The following APLF variants were observed in gnomAD, a reference collection of about 807,000 sequenced individuals.
APLF encodes aprataxin and PNK-like factor.
In APLF, 61 loss-of-function variants were observed where a neutral mutation model predicts 55.6. The ratio of observed to expected loss-of-function variants is 1.10; its 90% CI spans 0.89 to 1.36. The LOEUF (loss-of-function observed/expected upper bound fraction) is 1.36, where lower values mean the gene tolerates loss of function less well. Ranked by LOEUF, APLF falls within the 40% of genes most tolerant of loss-of-function variation. The pLI, the probability that APLF is intolerant of heterozygous loss-of-function variation, is 0.00. For synonymous variants in APLF, 207 were observed against 214.8 expected (o/e 0.96, Z 0.32); for missense variants, 611 against 602.5 (o/e 1.01, Z -0.15).
At chr2:68,519,833 A>C (rs913642956) in intron 5 of APLF, among the ~76,000 whole-genome samples, 3 of 151,772 alleles carry the variant, frequency 2.0e-5, no homozygotes, top group African/African-American at 7.3e-5. Context: ...GTAGTCAGCC[A>C]GTAGTGGGTT....
At chr2:68,471,860 G>GC (rs1452356944) in intron 1 of APLF, among the ~76,000 whole-genome samples, 1 of 152,064 alleles carries the variant, frequency 6.6e-6, no homozygotes, top group Non-Finnish European at 1.5e-5. Flanking sequence ...AGTGACCATG[G>GC]CCCGTGACAC....
intron 1 of APLF, among the ~76,000 whole-genome samples, chr2:68,474,365 C>T (rs1405288564): frequency 6.6e-6 from 1 of 152,236 alleles, no homozygotes; most frequent in African/African-American, 2.4e-5. Flanking sequence ...TCCCAATTCT[C>T]TATACCTTGG....
At chr2:68,533,646 A>C (rs375196481) in intron 6 of APLF, among the ~76,000 whole-genome samples, 8 of 152,202 alleles carry the variant, frequency 5.3e-5, no homozygotes, top group African/African-American at 1.9e-4. Flanking sequence ...TACTCGTGTG[A>C]ATGGTGCCTC....
At position 68,513,582 on chromosome 2, in the gene APLF, A is replaced by G. The variant is rs757705042; in HGVS notation, c.524A>G (p.Gln175Arg). The G allele has an allele frequency of 1.9e-6, 3 of 1,611,426 alleles. No individual in the cohort carries two copies. The highest frequency in any genetic ancestry group is 1.7e-5 in the Admixed American group (1 of 59,730). Residue 175 changes from glutamine (Q) to arginine (R), a missense_variant, in exon 5 of 10, where the codon CAG becomes CGG. Coordinates refer to ENST00000303795, the MANE Select transcript of APLF (RefSeq NM_173545.3). ...FLGENRDCNKQQPILAERKRI... is the reference protein window; with the variant it reads ...FLGENRDCNKRQPILAERKRI... ...GGTGAAAATAGAGACTGCAATAAGC[A>G]GCAGCCAATCCTTGCCGAGAGGAAA...
chr2:68,510,767 TAACTC>T (rs1419156467), intron 3 of APLF, among the ~76,000 whole-genome samples: 1 of 151,774 alleles, frequency 6.6e-6, no homozygotes, highest in African/African-American at 2.4e-5. Context: ...AAAGTGGAAA[TAACTC>T]AGCTGTCCAG....
At chr2:68,559,849 ATCT>A (rs1354761404) in intron 8 of APLF, among the ~76,000 whole-genome samples, 2 of 152,082 alleles carry the variant, frequency 1.3e-5, no homozygotes, top group Admixed American at 6.6e-5. Flanking sequence ...GTTTCATGGT[ATCT>A]TCTTACTCAT....
chr2:68,562,225 G>A (rs955825232), intron 8 of APLF, among the ~76,000 whole-genome samples: 1 of 151,978 alleles, frequency 6.6e-6, no homozygotes, highest in African/African-American at 2.4e-5. Context: ...GTTACTAGAG[G>A]CTGGAAGGAG....
chr2:68,577,014 A>T (rs1671645217), intron 9 of APLF, among the ~76,000 whole-genome samples: 1 of 152,156 alleles, frequency 6.6e-6, no homozygotes, highest in South Asian at 2.1e-4. Context: ...ATGAATTTGG[A>T]GACAGAAGAA....
chr2:68,469,373 C>T (rs963272712), intron 1 of APLF, among the ~76,000 whole-genome samples: 10 of 152,110 alleles, frequency 6.6e-5, no homozygotes, highest in African/African-American at 2.4e-4. Context: ...AGAAACATGG[C>T]AACAGATTGC....
At chr2:68,492,785 A>T (rs1676412506) in intron 2 of APLF, among the ~76,000 whole-genome samples, 1 of 152,188 alleles carries the variant, frequency 6.6e-6, no homozygotes. Flanking sequence ...AAAATTCCTC[A>T]TGACCACTAG....
chr2:68,563,092 T>C lies in APLF; in HGVS notation c.1287-4249T>C, dbSNP rs1013126809. 6.1e-6 allele frequency: 6 copies of C among 985,100 alleles called. No individual in the cohort carries two copies. The African/African-American group carries it at 1.0e-4, about 17-fold the overall frequency. The allele number at this position is 985,100 out of a possible 1,614,324, so 61.0% of individuals were successfully genotyped here. ...TTTATCGATATTATTTCTTTTGCTTTAGGTTGGAAGTTCAGTGTCCAGTTG... is the reference window on the plus strand; with the variant it reads ...TTTATCGATATTATTTCTTTTGCTTCAGGTTGGAAGTTCAGTGTCCAGTTG... On this transcript the variant is annotated intron_variant, in intron 8 of 9. Coordinates refer to ENST00000303795, the MANE Select transcript of APLF (RefSeq NM_173545.3).
intron 7 of APLF, among the ~76,000 whole-genome samples, chr2:68,542,942 A>G (rs111553252): frequency 0.014 from 2,139 of 152,290 alleles, 46 homozygotes; most frequent in African/African-American, 0.047. Flanking sequence ...GTATATACAT[A>G]TGATGGAATA....
intron 1 of APLF, among the ~76,000 whole-genome samples, chr2:68,480,125 G>T (rs1455871604): frequency 6.6e-6 from 1 of 152,036 alleles, no homozygotes; most frequent in South Asian, 2.1e-4. Flanking sequence ...GGGGAGTCAA[G>T]GTTGGTTCCC....
At chr2:68,515,614 T>G (rs1669558441) in intron 5 of APLF, 1 of 984,958 alleles carries the variant, frequency 1.0e-6, no homozygotes, top group Non-Finnish European at 1.2e-6. Context: ...AAGCACGTTT[T>G]TGGGCACTTC....
Position 68,577,913 on chromosome 2 carries a change from A to G in APLF, c.1427A>G (p.Tyr476Cys), listed in dbSNP as rs780048332. Residue 476 changes from tyrosine to cysteine, a missense_variant, in exon 10 of 10, where the codon TAT (tyrosine) becomes TGT (cysteine). By Grantham distance (194) the Tyr-to-Cys change is radical. Transcript: ENST00000303795. ...TTTCTAGATGATGAGGAAGAAGACT[A>G]TGAGCCAACAGATGAAGATTCTGAC... Reference protein sequence around the residue: ...DSFLDDEEEDYEPTDEDSDWE... With the variant: ...DSFLDDEEEDCEPTDEDSDWE... The G allele has an allele frequency of 2.4e-5, 38 of 1,613,610 alleles. No individual in the cohort carries two copies. Among genetic ancestry groups the G allele is most frequent in the Admixed American group, 1.8e-4 (11 of 59,958 alleles).
chr2:68,516,586 C>G (rs1446100287), intron 5 of APLF, among the ~76,000 whole-genome samples: 1 of 150,922 alleles, frequency 6.6e-6, no homozygotes, highest in Non-Finnish European at 1.5e-5. Flanking sequence ...TTATCCCTCA[C>G]TCCCCGACCC....
chr2:68,543,313 A>C (rs1344120578), intron 7 of APLF, among the ~76,000 whole-genome samples: 1 of 152,204 alleles, frequency 6.6e-6, no homozygotes, highest in African/African-American at 2.4e-5. Context: ...GAAATTGTTA[A>C]GATGGTAAAT....
intron 1 of APLF, among the ~76,000 whole-genome samples, chr2:68,482,434 GC>G (rs1257732121): frequency 6.6e-6 from 1 of 152,126 alleles, no homozygotes; most frequent in Non-Finnish European, 1.5e-5. Flanking sequence ...GTGTGACTTT[GC>G]CAGAGATGGG....
rs935359163 is a variant in APLF at position 68,528,851 on chromosome 2, C to T, written c.804+2609C>T. ...GAGGTGGACATTTCCCTCCAAGGGC[C>T]TGGGATTGTACCAGGAGGAAGTGAG... On this transcript the variant is annotated intron_variant, in intron 6 of 9. Transcript: ENST00000303795. The T allele has an allele frequency of 6.6e-5, 100 of 1,520,266 alleles. No homozygotes were observed. In the African/African-American group the frequency reaches 1.3e-3, roughly 20 times the overall value. 94.2% of individuals were successfully genotyped at this position (1,520,266 alleles called of 1,614,324 possible).
Sources: allele counts gnomAD v4.1 joint callset (sites outside exome capture counted in the v4.1 genomes callset), GRCh38; gene constraint gnomAD v4.1.1; transcripts MANE v1.5; gene names NCBI Gene and HGNC (gene_info 2026-07-23, HGNC 2026-07-21).